MDGA2: variants seen among roughly 807,000 people sequenced by gnomAD.
MDGA2 encodes the protein MAM domain-containing glycosylphosphatidylinositol anchor protein 2.
Under a neutral mutation model 117.8 loss-of-function variants are expected in MDGA2, and 40 were observed. The ratio of observed to expected loss-of-function variants is 0.34; its 90% CI spans 0.26 to 0.44. The LOEUF is 0.44. Ranked by LOEUF, MDGA2 falls within the 20% of genes least tolerant of loss-of-function variation. The pLI, the probability that MDGA2 is intolerant of heterozygous loss-of-function variation, is 1.00. For synonymous variants in MDGA2, 452 were observed against 439.0 expected, an observed-to-expected ratio of 1.03 and a Z score of -0.37; for missense variants, 1,123 against 1,250.6, an observed-to-expected ratio of 0.90 and a Z score of 1.54.
At chr14:47,031,565 G>T (rs1463200850) in intron 8 of MDGA2, among the ~76,000 whole-genome samples, 1 of 152,054 alleles carries the variant, frequency 6.6e-6, no homozygotes, top group Non-Finnish European at 1.5e-5. Flanking sequence ...AGCTATCCCT[G>T]ATACTTAAGT....
chr14:47,514,279 C>A (rs147955569), intron 1 of MDGA2, among the ~76,000 whole-genome samples: 8 of 151,978 alleles, frequency 5.3e-5, no homozygotes, highest in African/African-American at 1.7e-4. Context: ...GAGAGATGGG[C>A]AATGCCCCCA....
chr14:47,112,128 TA>T (rs939422523), intron 5 of MDGA2, among the ~76,000 whole-genome samples: 2 of 148,318 alleles, frequency 1.3e-5, no homozygotes, highest in East Asian at 2.0e-4. Context: ...TATTCAACAG[TA>T]AAAAAAAGCG....
chr14:47,285,526 A>T (rs894287098), intron 2 of MDGA2, among the ~76,000 whole-genome samples: 1 of 152,118 alleles, frequency 6.6e-6, no homozygotes, highest in Admixed American at 6.5e-5. Context: ...TCTGTACTTT[A>T]AACTGTGTGC....
At chr14:46,864,276 T>C (rs1881634746) in intron 14 of MDGA2, among the ~76,000 whole-genome samples, 1 of 150,808 alleles carries the variant, frequency 6.6e-6, no homozygotes, top group African/African-American at 2.4e-5. Context: ...TCACTTAAAA[T>C]TTGTACCTTT....
chr14:47,531,281 T>G (rs1236579332), intron 1 of MDGA2, among the ~76,000 whole-genome samples: 1 of 152,050 alleles, frequency 6.6e-6, no homozygotes, highest in Non-Finnish European at 1.5e-5. Flanking sequence ...CTAATTAACA[T>G]TACATTCCCA....
At chr14:47,053,361 C>T (rs1251245781) in intron 7 of MDGA2, among the ~76,000 whole-genome samples, 1 of 151,636 alleles carries the variant, frequency 6.6e-6, no homozygotes, top group African/African-American at 2.4e-5. Context: ...TTTCTAATTG[C>T]TCACCAGAAA....
At chr14:47,039,977 A>G (rs1889004707) in intron 7 of MDGA2, among the ~76,000 whole-genome samples, 1 of 152,174 alleles carries the variant, frequency 6.6e-6, no homozygotes, top group Non-Finnish European at 1.5e-5. Context: ...CACTATAGCA[A>G]CCATCTTACT....
intron 1 of MDGA2, among the ~76,000 whole-genome samples, chr14:47,593,694 G>A (rs1476351632): frequency 6.6e-6 from 1 of 152,006 alleles, no homozygotes; most frequent in East Asian, 1.9e-4. Context: ...ACATGACCCA[G>A]GGAGGGGAAC....
At position 47,530,041 on chromosome 14, in the gene MDGA2, T is replaced by C. The variant is rs141581944; in HGVS notation, c.280+144476A>G. Among the ~76,000 whole-genome samples the C allele has an allele frequency of 7.2e-4, 109 of 152,334 alleles. 1 individual carries two copies. The highest frequency in any genetic ancestry group is 2.4e-3 in the African/African-American group (98 of 41,588). ...GCTGCCAGAATGAGCCAACAGTGCA[T>C]GATGTGCTTCCCCCTGCAGAGAGCC... On this transcript the variant is annotated intron_variant, in intron 1 of 16. Transcript: ENST00000399232.
intron 10 of MDGA2, among the ~76,000 whole-genome samples, chr14:46,909,002 C>T (rs901272167): frequency 2.0e-5 from 3 of 152,102 alleles, no homozygotes; most frequent in Non-Finnish European, 4.4e-5. Context: ...ACGATGCCAG[C>T]TTTCCCTCTA....
chr14:47,576,352 G>A (rs17118947), intron 1 of MDGA2, among the ~76,000 whole-genome samples: 5,421 of 152,142 alleles, frequency 0.036, 329 homozygotes, highest in African/African-American at 0.12. Flanking sequence ...GTGAATTACT[G>A]GTATGATTTT....
intron 8 of MDGA2, among the ~76,000 whole-genome samples, chr14:46,986,721 T>A (rs1886872871): frequency 6.6e-6 from 1 of 152,086 alleles, no homozygotes; most frequent in South Asian, 2.1e-4. Flanking sequence ...GCAAATTGTT[T>A]GTCCCAAAGC....
At chr14:47,382,074 G>C (rs1891643364) in intron 1 of MDGA2, among the ~76,000 whole-genome samples, 1 of 152,128 alleles carries the variant, frequency 6.6e-6, no homozygotes, top group African/African-American at 2.4e-5. Context: ...CTGATCTTTT[G>C]ACAAACCTGA....
intron 1 of MDGA2, among the ~76,000 whole-genome samples, chr14:47,566,707 C>T (rs2138812381): frequency 6.6e-6 from 1 of 152,116 alleles, no homozygotes; most frequent in Non-Finnish European, 1.5e-5. Context: ...TCACTGGGGG[C>T]CAGGAACTAG....
Position 46,882,092 on chromosome 14 carries a change from T to C in MDGA2, c.2368A>G (p.Thr790Ala). 1 of 1,611,452 alleles carries C rather than the reference T, an allele frequency of 6.2e-7. No homozygotes were observed. Among genetic ancestry groups the C allele is most frequent in the Non-Finnish European group, 8.5e-7 (1 of 1,178,376 alleles). ...GTTGAATCTCCTTCACCAAATTTGG[T>C]GAGAGGAGTCAGTCGGACTTCATAA... ...EAYEVRLTPL[T>A]KFGEGDSTIR... The change falls in exon 11 of 17, where the codon ACC becomes GCC. Residue 790 changes from threonine to alanine, a missense_variant. Transcript: ENST00000399232.
chr14:47,535,760 A>C (rs758439063), intron 1 of MDGA2, among the ~76,000 whole-genome samples: 1 of 152,248 alleles, frequency 6.6e-6, no homozygotes, highest in Non-Finnish European at 1.5e-5. Context: ...ATAGTTCTAA[A>C]GGCAGTGTTC....
chr14:47,072,323 T>C (rs772925615), intron 6 of MDGA2, among the ~76,000 whole-genome samples: 1 of 152,162 alleles, frequency 6.6e-6, no homozygotes, highest in Non-Finnish European at 1.5e-5. Context: ...ATTTTTTAAG[T>C]GCAAAATCTG....
chr14:47,406,742 C>T (rs1213546697), intron 1 of MDGA2, among the ~76,000 whole-genome samples: 2 of 151,908 alleles, frequency 1.3e-5, no homozygotes, highest in Non-Finnish European at 2.9e-5. Flanking sequence ...TATTTATTCT[C>T]CCATAATGAT....
intron 1 of MDGA2, among the ~76,000 whole-genome samples, chr14:47,589,523 T>C (rs1390185440): frequency 6.6e-6 from 1 of 152,018 alleles, no homozygotes; most frequent in African/African-American, 2.4e-5. Context: ...CTCTAATCCA[T>C]TGATCTATGC....
Sources: gnomAD v4.1 joint callset for allele counts (sites outside exome capture counted in the v4.1 genomes callset) on GRCh38, gnomAD v4.1.1 for gene constraint, MANE v1.5 for transcripts, NCBI Gene and HGNC (gene_info 2026-07-23, HGNC 2026-07-21) for gene names.